The following ZCWPW2 variants were observed in gnomAD, a reference collection of about 807,000 sequenced individuals.
The protein encoded by ZCWPW2 is zinc finger CW-type and PWWP domain containing 2.
ZCWPW2 carries 45 observed loss-of-function variants against 46.6 expected under a neutral mutation model. The ratio of observed to expected loss-of-function variants is 0.96; its 90% CI spans 0.76 to 1.24. The LOEUF is 1.24. Among genes scored for constraint, ZCWPW2 ranks in the 50% most tolerant of loss-of-function variants. ZCWPW2 has a pLI of 0.00. For missense variants in ZCWPW2, 429 were observed against 403.9 expected (o/e 1.06, Z -0.53); for synonymous variants, 152 against 137.1 (o/e 1.11, Z -0.76).
At chr3:28,499,080 C>T (rs2125822881) in intron 6 of ZCWPW2, among the ~76,000 whole-genome samples, 1 of 152,200 alleles carries the variant, frequency 6.6e-6, no homozygotes, top group African/African-American at 2.4e-5. Flanking sequence ...CAAGTCTTTG[C>T]TATTGTGAAC....
At chr3:28,406,826 C>CTTTTTT in intron 2 of ZCWPW2, among the ~76,000 whole-genome samples, 1 of 119,984 alleles carries the variant, frequency 8.3e-6, no homozygotes, top group Middle Eastern at 3.9e-3. Flanking sequence ...TCTTTTTTTT[C>CTTTTTT]TTTTTTTTTT....
At chr3:28,438,424 C>T (rs1454095275) in intron 4 of ZCWPW2, among the ~76,000 whole-genome samples, 2 of 152,094 alleles carry the variant, frequency 1.3e-5, no homozygotes, top group Non-Finnish European at 2.9e-5. Flanking sequence ...ACTGCGCAGG[C>T]AGAGGGAAAG....
intron 3 of ZCWPW2, among the ~76,000 whole-genome samples, chr3:28,424,228 A>AACACACACACACACACACACACAC (rs55725925): frequency 7.2e-6 from 1 of 138,868 alleles, no homozygotes; most frequent in Non-Finnish European, 1.6e-5. Context: ...GTCTTATTCC[A>AACACACACACACACACACACACAC]ACACACACAC....
chr3:28,490,550 A>G (rs1232750240), intron 5 of ZCWPW2, among the ~76,000 whole-genome samples: 1 of 152,124 alleles, frequency 6.6e-6, no homozygotes, highest in Non-Finnish European at 1.5e-5. Context: ...CCGTTATCCT[A>G]AGCAAGATAA....
intron 1 of ZCWPW2, among the ~76,000 whole-genome samples, chr3:28,387,901 A>T (rs148151433): frequency 2.6e-5 from 4 of 152,286 alleles, no homozygotes; most frequent in Non-Finnish European, 5.9e-5. Flanking sequence ...ATTTTCACTT[A>T]CCTTCTTCAT....
intron 1 of ZCWPW2, among the ~76,000 whole-genome samples, chr3:28,366,895 T>C (rs1301555087): frequency 6.6e-6 from 1 of 152,250 alleles, no homozygotes; most frequent in South Asian, 2.1e-4. Flanking sequence ...TCCAGGAATT[T>C]ATCCATTTCT....
At chr3:28,391,911 C>A (rs931219223) in intron 2 of ZCWPW2, among the ~76,000 whole-genome samples, 2 of 152,106 alleles carry the variant, frequency 1.3e-5, no homozygotes, top group Non-Finnish European at 2.9e-5. Context: ...AAAGGACCCA[C>A]AAAACAGCCA....
At chr3:28,480,566 G>A (rs1699391739) in intron 5 of ZCWPW2, among the ~76,000 whole-genome samples, 1 of 152,032 alleles carries the variant, frequency 6.6e-6, no homozygotes, top group South Asian at 2.1e-4. Flanking sequence ...AGTTTCTATT[G>A]CTGTGCTCTT....
chr3:28,433,766 A>C (rs1158740782), intron 3 of ZCWPW2, among the ~76,000 whole-genome samples: 3 of 95,816 alleles, frequency 3.1e-5, no homozygotes, highest in Non-Finnish European at 7.6e-5. Context: ...AAAAAAAAAA[A>C]AAACAAAAAA....
intron 3 of ZCWPW2, among the ~76,000 whole-genome samples, chr3:28,426,174 A>C (rs1032499092): frequency 1.3e-5 from 2 of 151,906 alleles, no homozygotes; most frequent in Admixed American, 1.3e-4. Flanking sequence ...TTTTACCTTT[A>C]TATACTTGAA....
chr3:28,472,916 C>T (rs1415821212), intron 4 of ZCWPW2, among the ~76,000 whole-genome samples: 1 of 151,458 alleles, frequency 6.6e-6, no homozygotes, highest in Non-Finnish European at 1.5e-5. Context: ...AAAAAATGGG[C>T]AAACGATTTG....
rs1698789704 is a variant in ZCWPW2, at chr3:28,465,598, G to A, written c.493-13216G>A. On this transcript the variant is annotated intron_variant, in intron 4 of 9. Coordinates refer to ENST00000383768, the MANE Select transcript of ZCWPW2 (RefSeq NM_001040432.4). ...GGGAAATTTGAATTTTTAAAAGTAGGTAGGATTGCTACTATTATGTAATAT... is the reference window on the plus strand; with the variant it reads ...GGGAAATTTGAATTTTTAAAAGTAGATAGGATTGCTACTATTATGTAATAT... Among the ~76,000 whole-genome samples, 6 of 152,048 alleles carry A rather than the reference G, an allele frequency of 3.9e-5. No homozygotes were observed. The South Asian group carries it at 1.2e-3, about 32-fold the overall frequency.
At chr3:28,376,637 C>G (rs1263074784) in intron 1 of ZCWPW2, among the ~76,000 whole-genome samples, 1 of 152,084 alleles carries the variant, frequency 6.6e-6, no homozygotes, top group Admixed American at 6.5e-5. Context: ...ATTGCTTCAT[C>G]CTCAGATTTC....
At chr3:28,393,697 C>A (rs1695584450) in intron 2 of ZCWPW2, among the ~76,000 whole-genome samples, 1 of 152,084 alleles carries the variant, frequency 6.6e-6, no homozygotes, top group South Asian at 2.1e-4. Context: ...ATTATATGAT[C>A]ATCTCAATAG....
chr3:28,480,870 T>C (rs953413082), intron 5 of ZCWPW2, among the ~76,000 whole-genome samples: 29 of 148,158 alleles, frequency 2.0e-4, no homozygotes, highest in African/African-American at 4.7e-4. Flanking sequence ...TTTTCTTTTT[T>C]TTTTTTTTTT....
chr3:28,387,421 G>A (rs1467092574), intron 1 of ZCWPW2, among the ~76,000 whole-genome samples: 6 of 152,146 alleles, frequency 3.9e-5, no homozygotes, highest in African/African-American at 7.2e-5. Context: ...AGTGAGATGC[G>A]AAGGCTCTGG....
chr3:28,465,793 C>G (rs1698799130), intron 4 of ZCWPW2, among the ~76,000 whole-genome samples: 1 of 151,776 alleles, frequency 6.6e-6, no homozygotes, highest in Admixed American at 6.6e-5. Context: ...CTATTATAAA[C>G]AATAGGAAAA....
At chr3:28,430,450 C>A (rs1175291585) in intron 3 of ZCWPW2, among the ~76,000 whole-genome samples, 3 of 152,170 alleles carry the variant, frequency 2.0e-5, no homozygotes, top group Non-Finnish European at 4.4e-5. Context: ...ATTTCACAGG[C>A]TTATAGACAG....
At chr3:28,432,436 G>T (rs11914283) in intron 3 of ZCWPW2, among the ~76,000 whole-genome samples, 3,109 of 152,196 alleles carry the variant, frequency 0.02, 107 homozygotes, top group African/African-American at 0.062. Context: ...GAATGGTTTG[G>T]TATATTAGGT....
Sources: gnomAD v4.1 joint callset for allele counts (sites outside exome capture counted in the v4.1 genomes callset) on GRCh38, gnomAD v4.1.1 for gene constraint, MANE v1.5 for transcripts, NCBI Gene and HGNC (gene_info 2026-07-23, HGNC 2026-07-21) for gene names.